EXOC4: variants seen among roughly 807,000 people sequenced by gnomAD.
EXOC4 encodes exocyst complex component 4, also known as SEC8-like 1.
A neutral mutation model predicts 107.2 loss-of-function variants in EXOC4; 71 were observed. The observed-to-expected ratio is 0.66, with a 90% CI of 0.55 to 0.81. The LOEUF is 0.81. EXOC4 is among the 30% of genes least tolerant of loss of function. The pLI, the probability that EXOC4 is intolerant of heterozygous loss-of-function variation, is 0.00. For synonymous variants in EXOC4, 456 were observed against 441.2 expected (o/e 1.03, Z -0.42); for missense variants, 1,108 against 1,189.6 (o/e 0.93, Z 1.01).
chr7:133,319,506 T>C (rs542506086), intron 5 of EXOC4, among the ~76,000 whole-genome samples: 38 of 152,272 alleles, frequency 2.5e-4, no homozygotes, highest in African/African-American at 8.2e-4. Context: ...TTTATTTATT[T>C]GAGACGGTGT....
rs373016516 is a variant in EXOC4, at chr7:133,999,554, CTCTT to C, written c.2348+1923_2348+1926del. ...TTACAATAATTTTCATATTTGGTAT[CTCTT>C]TATTTACAAGCGGACAGAGAAATCA... On this transcript the variant is annotated intron_variant, in intron 15 of 17. Transcript: ENST00000253861. Among the ~76,000 whole-genome samples the C allele has an allele frequency of 1.7e-4, 26 of 152,226 alleles. No homozygotes were observed. In the South Asian group the frequency reaches 3.7e-3, roughly 22 times the overall value.
chr7:134,016,438 CAA>C (rs1187419177), intron 17 of EXOC4, among the ~76,000 whole-genome samples: 2 of 152,096 alleles, frequency 1.3e-5, no homozygotes, highest in African/African-American at 4.8e-5. Flanking sequence ...TCATGAAGAC[CAA>C]AGAGAGTGCA....
chr7:133,628,548 T>C (rs1802511500), intron 9 of EXOC4, among the ~76,000 whole-genome samples: 1 of 152,192 alleles, frequency 6.6e-6, no homozygotes, highest in Admixed American at 6.5e-5. Context: ...AGAGATTACA[T>C]TAGTTGAACT....
chr7:133,611,071 G>A (rs1286714787), intron 9 of EXOC4, among the ~76,000 whole-genome samples: 2 of 151,494 alleles, frequency 1.3e-5, no homozygotes, highest in Non-Finnish European at 2.9e-5. Flanking sequence ...CCCAAAGGCT[G>A]GGATTACAGG....
At chr7:133,771,992 T>C (rs1340675636) in intron 10 of EXOC4, among the ~76,000 whole-genome samples, 2 of 152,114 alleles carry the variant, frequency 1.3e-5, no homozygotes, top group African/African-American at 2.4e-5. Flanking sequence ...TGTTTTATAA[T>C]GACAGTTAAT....
chr7:133,835,563 T>A (rs1207827681), intron 11 of EXOC4, among the ~76,000 whole-genome samples: 1 of 152,182 alleles, frequency 6.6e-6, no homozygotes, highest in Non-Finnish European at 1.5e-5. Flanking sequence ...TTGAATAGAA[T>A]GGGAGGCAGG....
intron 3 of EXOC4, among the ~76,000 whole-genome samples, chr7:133,301,918 G>A (rs551426602): frequency 3.3e-5 from 5 of 152,130 alleles, no homozygotes; most frequent in East Asian, 1.9e-4. Flanking sequence ...CATGATAAGC[G>A]TGATTAAGAT....
chr7:133,725,063 T>C (rs1215555318), intron 10 of EXOC4, among the ~76,000 whole-genome samples: 1 of 152,234 alleles, frequency 6.6e-6, no homozygotes, highest in Non-Finnish European at 1.5e-5. Context: ...CTTTCTGTGA[T>C]GATGGAAGTA....
At chr7:133,481,801 T>C (rs543451137) in intron 9 of EXOC4, among the ~76,000 whole-genome samples, 17 of 152,298 alleles carry the variant, frequency 1.1e-4, no homozygotes, top group African/African-American at 3.4e-4. Flanking sequence ...GAGTACAGAC[T>C]GTCATTAGAC....
At chr7:133,362,586 TA>T (rs1485243276) in intron 6 of EXOC4, among the ~76,000 whole-genome samples, 8 of 152,210 alleles carry the variant, frequency 5.3e-5, no homozygotes, top group Non-Finnish European at 2.9e-5. Context: ...ACTTTTGAAA[TA>T]TTTTTTATAA....
chr7:133,276,114 C>T (rs1221414279), intron 2 of EXOC4, among the ~76,000 whole-genome samples: 1 of 151,826 alleles, frequency 6.6e-6, no homozygotes, highest in Non-Finnish European at 1.5e-5. Context: ...TTCCTTCCCC[C>T]ACGTTCTTTC....
chr7:133,269,557 C>A (rs1222850099), intron 1 of EXOC4, among the ~76,000 whole-genome samples: 1 of 152,214 alleles, frequency 6.6e-6, no homozygotes, highest in Non-Finnish European at 1.5e-5. Context: ...GTCTCACTTT[C>A]ACCTTCCTTT....
At chr7:133,778,387 C>T (rs530372043) in intron 10 of EXOC4, among the ~76,000 whole-genome samples, 3 of 152,074 alleles carry the variant, frequency 2.0e-5, no homozygotes, top group African/African-American at 7.2e-5. Context: ...CCCAGGAGTT[C>T]GAGACCAGCC....
chr7:133,866,746 TAATAAA>T (rs1345348044), intron 11 of EXOC4, among the ~76,000 whole-genome samples: 1 of 152,202 alleles, frequency 6.6e-6, no homozygotes, highest in Non-Finnish European at 1.5e-5. Flanking sequence ...TTTACTGAGA[TAATAAA>T]AATAAAAATT....
chr7:133,321,457 TC>T (rs1795110323), intron 5 of EXOC4, among the ~76,000 whole-genome samples: 1 of 152,178 alleles, frequency 6.6e-6, no homozygotes, highest in African/African-American at 2.4e-5. Context: ...TGTGTGATGT[TC>T]CTCTCCTGTG....
At chr7:133,975,678 T>C (rs768034597) in intron 14 of EXOC4, among the ~76,000 whole-genome samples, 37 of 152,056 alleles carry the variant, frequency 2.4e-4, no homozygotes, top group Non-Finnish European at 2.4e-4. Flanking sequence ...AACTATAAAA[T>C]GCTAAGTAAT....
chr7:133,502,255 A>T lies in EXOC4; in HGVS notation c.1417+22117A>T, dbSNP rs144343384. 2.2e-3 allele frequency among the ~76,000 whole-genome samples: 329 copies of T among 152,250 alleles called. 2 individuals are homozygous for T. Among genetic ancestry groups the T allele is most frequent in the African/African-American group, 7.6e-3 (317 of 41,564 alleles). On this transcript the variant is annotated intron_variant, in intron 9 of 17. Coordinates refer to ENST00000253861, the MANE Select transcript of EXOC4 (RefSeq NM_021807.4). ...ATTCAGAGGAGGGAAAGAACAAAAA[A>T]TCTGAAATGGAAGAACCTGAAAGGA...
At chr7:133,534,602 T>G (rs916762408) in intron 9 of EXOC4, among the ~76,000 whole-genome samples, 1 of 152,186 alleles carries the variant, frequency 6.6e-6, no homozygotes, top group Non-Finnish European at 1.5e-5. Flanking sequence ...TCTCTGCAGT[T>G]TAACCTAGTA....
chr7:133,683,165 T>G (rs1794223580), intron 10 of EXOC4, among the ~76,000 whole-genome samples: 1 of 152,186 alleles, frequency 6.6e-6, no homozygotes, highest in African/African-American at 2.4e-5. Flanking sequence ...TGTGTTTATA[T>G]TGCATAGCTC....
Sources: gnomAD v4.1 joint callset for allele counts (sites outside exome capture counted in the v4.1 genomes callset) on GRCh38, gnomAD v4.1.1 for gene constraint, MANE v1.5 for transcripts, NCBI Gene and HGNC (gene_info 2026-07-23, HGNC 2026-07-21) for gene names.